Variants in DCX observed in about 807,000 individuals in gnomAD.
The protein encoded by DCX is neuronal migration protein doublecortin.
Under a neutral mutation model 20.9 loss-of-function variants are expected in DCX, and 4 were observed. The ratio of observed to expected loss-of-function variants is 0.19; its 90% CI spans 0.09 to 0.44. The LOEUF (loss-of-function observed/expected upper bound fraction) is 0.44. DCX is among the 20% of genes least tolerant of loss of function. The pLI is 0.99. For missense variants in DCX, 133 were observed against 296.9 expected, an observed-to-expected ratio of 0.45 and a Z score of 4.06; for synonymous variants, 103 against 111.4, an observed-to-expected ratio of 0.92 and a Z score of 0.47.
At chrX:111,362,449 C>A (rs1924282843) in intron 3 of DCX, among the ~76,000 whole-genome samples, 1 of 111,219 alleles carries the variant, frequency 9.0e-6, no homozygotes, top group Non-Finnish European at 1.9e-5. Flanking sequence ...CCATTCAGTT[C>A]CCCCACCATC....
At chrX:111,304,608 A>T (rs950238054) in intron 6 of DCX, among the ~76,000 whole-genome samples, 17 of 109,554 alleles carry the variant, frequency 1.6e-4, no homozygotes, top group African/African-American at 5.7e-4. Flanking sequence ...CTCCCTGGAA[A>T]CTCCCATTTG....
At chrX:111,384,242 CT>C (rs1354328352) in intron 3 of DCX, among the ~76,000 whole-genome samples, 1 of 111,541 alleles carries the variant, frequency 9.0e-6, no homozygotes, top group Admixed American at 9.5e-5. Flanking sequence ...ATACCTTCTC[CT>C]CCATTAGAAG....
intron 3 of DCX, among the ~76,000 whole-genome samples, chrX:111,389,683 A>G (rs1926788243): frequency 9.0e-6 from 1 of 111,461 alleles, no homozygotes; most frequent in Admixed American, 9.5e-5. Flanking sequence ...ATGCCACTGC[A>G]CTCCAGCCTG....
intron 2 of DCX, among the ~76,000 whole-genome samples, chrX:111,407,802 G>GCACACACACACA (rs34206475): frequency 7.8e-4 from 70 of 90,286 alleles, no homozygotes; most frequent in African/African-American, 2.7e-3. Flanking sequence ...ACATCAATAC[G>GCACACACACACA]CACACACACA....
chrX:111,389,758 T>C (rs954382486), intron 3 of DCX, among the ~76,000 whole-genome samples: 2 of 111,451 alleles, frequency 1.8e-5, no homozygotes, highest in Non-Finnish European at 3.8e-5. Flanking sequence ...TGGCTTTCCC[T>C]GCCTCAGTGA....
chrX:111,377,749 T>C (rs1036510907), intron 3 of DCX, among the ~76,000 whole-genome samples: 4 of 111,348 alleles, frequency 3.6e-5, no homozygotes, highest in African/African-American at 9.8e-5. Flanking sequence ...TTGTCAATGA[T>C]TGGTCCACTT....
chrX:111,347,452 C>T (rs867495437), intron 3 of DCX, among the ~76,000 whole-genome samples: 5 of 111,602 alleles, frequency 4.5e-5, no homozygotes, highest in Admixed American at 9.5e-5. Flanking sequence ...TTGAAGACAC[C>T]GATTTCCTTT....
chrX:111,374,306 G>A (rs1490340210), intron 3 of DCX, among the ~76,000 whole-genome samples: 1 of 112,200 alleles, frequency 8.9e-6, no homozygotes, highest in Non-Finnish European at 1.9e-5. Flanking sequence ...GCCTATTTGA[G>A]CATAGCCTAG....
At chrX:111,329,271 A>G (rs1310463358) in intron 5 of DCX, among the ~76,000 whole-genome samples, 1 of 111,820 alleles carries the variant, frequency 8.9e-6, no homozygotes, top group East Asian at 2.8e-4. Flanking sequence ...AGGCACATGT[A>G]TTTTTTATTT....
chrX:111,391,021 A>T (rs990627791), intron 3 of DCX, among the ~76,000 whole-genome samples: 1 of 93,830 alleles, frequency 1.1e-5, no homozygotes, highest in Admixed American at 1.2e-4. Context: ...AAAAAAAAAA[A>T]TCCTTCACTG....
Position 111,410,326 on chromosome X carries a change from C to T in DCX, c.73G>A (p.Gly25Arg). The change falls in exon 2 of 7, where the codon GGG becomes AGG. Residue 25 changes from glycine (G) to arginine (R), a missense_variant. Gly to Arg is a moderately radical substitution (Grantham distance 125). This residue lies in a region of DCX where 65 missense variants were observed against 212.6 expected (regional missense o/e 0.31). Transcript: ENST00000636035. Reference sequence around the variant, plus strand: ...GCGCTGTGAGTGGGGCTAGGCAACCCATTCATCCGGGAGCCTCGCATGTTC... The same window carrying T: ...GCGCTGTGAGTGGGGCTAGGCAACCTATTCATCCGGGAGCCTCGCATGTTC... ...SRNMRGSRMN[G>R]LPSPTHSAHC... 1.7e-6 allele frequency: 2 copies of T among 1,211,402 alleles called. No individual in the cohort carries two copies. The highest frequency in any genetic ancestry group is 1.8e-5 in the South Asian group (1 of 56,954).
At chrX:111,398,223 G>C (rs903725022) in intron 3 of DCX, among the ~76,000 whole-genome samples, 2 of 109,884 alleles carry the variant, frequency 1.8e-5, no homozygotes, top group Non-Finnish European at 3.8e-5. Context: ...TAATGTCTGG[G>C]GAATTGAAAG....
chrX:111,333,989 G>A, intron 3 of DCX, among the ~76,000 whole-genome samples: 1 of 111,707 alleles, frequency 9.0e-6, no homozygotes, highest in South Asian at 3.8e-4. Flanking sequence ...GAAACCCCTG[G>A]AGGAACCATA....
chrX:111,327,658 A>T (rs1167146742), intron 5 of DCX, among the ~76,000 whole-genome samples: 1 of 112,110 alleles, frequency 8.9e-6, no homozygotes, highest in Non-Finnish European at 1.9e-5. Flanking sequence ...CAAAGCTAGG[A>T]AGTGGCGTAG....
chrX:111,309,687 C>T (rs753704666), intron 6 of DCX, among the ~76,000 whole-genome samples: 5 of 111,320 alleles, frequency 4.5e-5, no homozygotes, highest in East Asian at 2.8e-4. Flanking sequence ...AATTGAAAGG[C>T]GTTCTACCAA....
intron 3 of DCX, among the ~76,000 whole-genome samples, chrX:111,333,743 A>T (rs1257247529): frequency 1.4e-4 from 16 of 112,169 alleles, no homozygotes; most frequent in Admixed American, 1.4e-3. Context: ...GGAAAACTTC[A>T]TCATGAGCAA....
chrX:111,389,790 A>G (rs1054877083), intron 3 of DCX, among the ~76,000 whole-genome samples: 1 of 111,568 alleles, frequency 9.0e-6, no homozygotes, highest in Non-Finnish European at 1.9e-5. Context: ...ATCCACCCAC[A>G]TAACTGAACC....
intron 2 of DCX, among the ~76,000 whole-genome samples, chrX:111,406,777 G>C (rs1928242650): frequency 8.9e-6 from 1 of 112,313 alleles, no homozygotes; most frequent in Non-Finnish European, 1.9e-5. Flanking sequence ...ATTGTCTAGA[G>C]CTGAAGAGAT....
At chrX:111,373,230 T>C (rs1407641824) in intron 3 of DCX, among the ~76,000 whole-genome samples, 1 of 112,155 alleles carries the variant, frequency 8.9e-6, no homozygotes, top group African/African-American at 3.2e-5. Context: ...GCTGACCTTT[T>C]ATCATTATCC....
Sources: gnomAD v4.1 joint callset for allele counts (sites outside exome capture counted in the v4.1 genomes callset) on GRCh38, gnomAD v4.1.1 for gene constraint, gnomAD v4.1.1 regional missense constraint, MANE v1.5 for transcripts, NCBI Gene and HGNC (gene_info 2026-07-23, HGNC 2026-07-21) for gene names.